Variants in PALLD observed in about 807,000 individuals in gnomAD.
PALLD encodes palladin, cytoskeletal associated protein.
In PALLD, 61 loss-of-function variants were observed where a neutral mutation model predicts 123.5. That is an observed-to-expected ratio of 0.49 (90% CI 0.40 to 0.61). The LOEUF is 0.61. Ranked by LOEUF, PALLD falls within the 20% of genes least tolerant of loss-of-function variation. PALLD has a pLI of 0.00. For synonymous variants in PALLD, 465 were observed against 496.4 expected (o/e 0.94, Z 0.84); for missense variants, 1,273 against 1,377.0 (o/e 0.92, Z 1.20).
chr4:168,913,117 G>C (rs1378201120), intron 15 of PALLD, among the ~76,000 whole-genome samples: 1 of 148,376 alleles, frequency 6.7e-6, no homozygotes, highest in South Asian at 2.2e-4. Context: ...TGTATGGTTT[G>C]GGGAAGGGAT....
intron 2 of PALLD, among the ~76,000 whole-genome samples, chr4:168,630,140 AC>A (rs1775676109): frequency 6.6e-6 from 1 of 152,178 alleles, no homozygotes; most frequent in African/African-American, 2.4e-5. Context: ...CTTTCTAAGA[AC>A]CCTTGCTGGA....
chr4:168,519,943 C>T (rs1243899907), intron 2 of PALLD, among the ~76,000 whole-genome samples: 1 of 151,460 alleles, frequency 6.6e-6, no homozygotes, highest in Non-Finnish European at 1.5e-5. Flanking sequence ...ATTGAACAAA[C>T]AAAAGCCTTT....
intron 18 of PALLD, among the ~76,000 whole-genome samples, chr4:168,922,800 G>A (rs1761841820): frequency 6.6e-6 from 1 of 152,150 alleles, no homozygotes. Flanking sequence ...CTTTTCTGCT[G>A]TTAAATATGC....
chr4:168,638,247 G>T (rs974240968), intron 2 of PALLD, among the ~76,000 whole-genome samples: 1 of 152,126 alleles, frequency 6.6e-6, no homozygotes, highest in Non-Finnish European at 1.5e-5. Context: ...TTCTCACAAA[G>T]ATAAGCATCT....
At chr4:168,544,950 C>T (rs1456164547) in intron 2 of PALLD, among the ~76,000 whole-genome samples, 1 of 152,084 alleles carries the variant, frequency 6.6e-6, no homozygotes, top group Non-Finnish European at 1.5e-5. Context: ...TATATATGAC[C>T]GTCACTCACT....
At chr4:168,617,977 T>C (rs909634776) in intron 2 of PALLD, among the ~76,000 whole-genome samples, 14 of 152,162 alleles carry the variant, frequency 9.2e-5, no homozygotes, top group African/African-American at 3.4e-4. Context: ...GATGTTTAAA[T>C]AGGATTTTGA....
intron 8 of PALLD, among the ~76,000 whole-genome samples, chr4:168,707,034 T>C (rs1784296135): frequency 6.6e-6 from 1 of 152,234 alleles, no homozygotes; most frequent in East Asian, 1.9e-4. Flanking sequence ...AAAATTAAAA[T>C]ATTTAAAGCT....
At chr4:168,638,826 G>T (rs531350421) in intron 2 of PALLD, among the ~76,000 whole-genome samples, 9 of 152,012 alleles carry the variant, frequency 5.9e-5, no homozygotes, top group Admixed American at 3.3e-4. Context: ...AATTTGGGAG[G>T]GGGGGCGGGC....
At chr4:168,561,676 A>G (rs965466444) in intron 2 of PALLD, among the ~76,000 whole-genome samples, 1 of 152,210 alleles carries the variant, frequency 6.6e-6, no homozygotes, top group African/African-American at 2.4e-5. Flanking sequence ...ATCTTCATTC[A>G]TGCATATAAC....
rs553572426 is a variant in PALLD, at chr4:168,538,988, G to A, written c.908+26576G>A. On this transcript the variant is annotated intron_variant, in intron 2 of 21. Coordinates refer to ENST00000505667, the MANE Select transcript of PALLD (RefSeq NM_001166108.2). Reference sequence around the variant, plus strand: ...CAGCCCCTAAAAAGGCTGATCTTATGGGCGTGAAAAACAGGCATTTCACAG... The same window carrying A: ...CAGCCCCTAAAAAGGCTGATCTTATAGGCGTGAAAAACAGGCATTTCACAG... 5.1e-4 allele frequency among the ~76,000 whole-genome samples: 77 copies of A among 152,234 alleles called. 2 individuals are homozygous for A. The highest frequency in any genetic ancestry group is 3.4e-3 in the Middle Eastern group (1 of 294).
chr4:168,881,029 TA>T (rs1440646226), intron 10 of PALLD, among the ~76,000 whole-genome samples: 3 of 152,142 alleles, frequency 2.0e-5, no homozygotes, highest in African/African-American at 7.2e-5. Context: ...CTCAGCCACC[TA>T]AATAGCTGGG....
At chr4:168,653,781 A>G (rs1380994743) in intron 2 of PALLD, among the ~76,000 whole-genome samples, 1 of 151,868 alleles carries the variant, frequency 6.6e-6, no homozygotes, top group Non-Finnish European at 1.5e-5. Context: ...GCTCACTGCA[A>G]CCTCTGCCTC....
Position 168,683,037 on chromosome 4 carries a change from A to T in PALLD, c.1194A>T (p.Gly398=). 6.2e-7 allele frequency: 1 copy of T among 1,612,948 alleles called. No homozygotes were observed. Among genetic ancestry groups the T allele is most frequent in the Non-Finnish European group, 8.5e-7 (1 of 1,178,960 alleles). ...KKTTSVSLTI[G]SSSPKTGVTT... is the part of the protein sequence containing the mutation. ...CAACTTCTGTTTCCTTGACAATAGGATCATCATCTCCAAAGACAGGGGTGA... is the reference window on the plus strand; with the variant it reads ...CAACTTCTGTTTCCTTGACAATAGGTTCATCATCTCCAAAGACAGGGGTGA... The change falls in exon 5 of 22, where the codon GGA becomes GGT. Residue 398 remains glycine, a synonymous_variant. Transcript: ENST00000505667.
rs1745630083 is a variant in PALLD at position 168,839,067 on chromosome 4, C to T, written c.1965-51855C>T. On this transcript the variant is annotated intron_variant, in intron 10 of 21. Transcript: ENST00000505667. ...TCCTGGGCTCAAGTGATCCTCCCAC[C>T]TCAGTCTCCCAAATAGCTGGGACTA... Among the ~76,000 whole-genome samples, 2 of 152,144 alleles carry T rather than the reference C, an allele frequency of 1.3e-5. 1 individual carries two copies. Among genetic ancestry groups the T allele is most frequent in the South Asian group, 4.1e-4 (2 of 4,826 alleles).
intron 8 of PALLD, among the ~76,000 whole-genome samples, chr4:168,692,511 T>A (rs1248554595): frequency 1.3e-5 from 2 of 152,216 alleles, no homozygotes; most frequent in Non-Finnish European, 2.9e-5. Context: ...ATACATGGAT[T>A]TTCTGAGATT....
intron 10 of PALLD, among the ~76,000 whole-genome samples, chr4:168,890,061 C>A (rs797017355): frequency 3.3e-5 from 5 of 152,212 alleles, no homozygotes; most frequent in African/African-American, 1.2e-4. Context: ...TTCTATTTCT[C>A]ATTAATTTTT....
At chr4:168,767,868 T>C (rs1352514575) in intron 10 of PALLD, among the ~76,000 whole-genome samples, 2 of 152,126 alleles carry the variant, frequency 1.3e-5, no homozygotes, top group Non-Finnish European at 2.9e-5. Context: ...ATCATTCCTC[T>C]TACCCTCAGT....
intron 10 of PALLD, chr4:168,756,279 A>G: frequency 4.9e-6 from 1 of 204,252 alleles, no homozygotes; most frequent in Non-Finnish European, 1.0e-5. Context: ...TTTCAAATTC[A>G]GCTGCTTTGA....
chr4:168,499,964 T>C (rs971572868), intron 1 of PALLD, among the ~76,000 whole-genome samples: 1 of 152,216 alleles, frequency 6.6e-6, no homozygotes, highest in African/African-American at 2.4e-5. Flanking sequence ...TTAAAGTAAT[T>C]TCCTATAATA....
Sources: gnomAD v4.1 joint callset for allele counts (sites outside exome capture counted in the v4.1 genomes callset) on GRCh38, gnomAD v4.1.1 for gene constraint, MANE v1.5 for transcripts, NCBI Gene and HGNC (gene_info 2026-07-23, HGNC 2026-07-21) for gene names.